The following ANK2 variants were observed in gnomAD, a reference collection of about 807,000 sequenced individuals.
ANK2 encodes ankyrin 2.
A neutral mutation model predicts 360.5 loss-of-function variants in ANK2; 83 were observed. The ratio of observed to expected loss-of-function variants is 0.23; its 90% CI spans 0.19 to 0.28. ANK2 has a LOEUF of 0.28. Among genes scored for constraint, ANK2 ranks in the 10% least tolerant of loss-of-function variants. ANK2 has a pLI of 1.00. For synonymous variants in ANK2, 1,740 were observed against 1,759.5 expected, an observed-to-expected ratio of 0.99 and a Z score of 0.28; for missense variants, 4,201 against 4,795.7, an observed-to-expected ratio of 0.88 and a Z score of 3.66.
Position 113,306,320 on chromosome 4 carries a change from A to G in ANK2, c.2548+3481A>G, listed in dbSNP as rs140343475. On this transcript the variant is annotated intron_variant, in intron 23 of 45. Coordinates refer to ENST00000357077, the MANE Select transcript of ANK2 (RefSeq NM_001148.6). The stretch of plus-strand genomic sequence containing the variant: ...GGCACATAGATTTTAGGGATTAGAT[A>G]AGGAACAGTATGGGAAAGTCTTGAG... Among the ~76,000 whole-genome samples the G allele has an allele frequency of 5.6e-3, 855 of 152,310 alleles. 5 individuals carry two copies. Among genetic ancestry groups the G allele is most frequent in the Non-Finnish European group, 0.01 (712 of 68,014 alleles).
chr4:112,943,184 G>A (rs775863488), intron 2 of ANK2, among the ~76,000 whole-genome samples: 12 of 152,086 alleles, frequency 7.9e-5, no homozygotes, highest in Non-Finnish European at 1.8e-4. Context: ...TAAGCAATGA[G>A]ATGGGGCTTC....
intron 1 of ANK2, among the ~76,000 whole-genome samples, chr4:112,870,365 A>G (rs2072497065): frequency 6.6e-6 from 1 of 152,186 alleles, no homozygotes; most frequent in Admixed American, 6.5e-5. Flanking sequence ...GTCATATCTA[A>G]GAAACCCTTG....
At chr4:112,879,044 A>G (rs2076000574) in intron 1 of ANK2, among the ~76,000 whole-genome samples, 1 of 152,234 alleles carries the variant, frequency 6.6e-6, no homozygotes, top group African/African-American at 2.4e-5. Context: ...TTTGAAATTG[A>G]ACTTCAAAGT....
rs139579598 is a variant in ANK2 at position 113,013,377 on chromosome 4, T to C, written c.21+108863T>C. 4.3e-3 allele frequency among the ~76,000 whole-genome samples: 659 copies of C among 152,294 alleles called. 3 individuals are homozygous for C. Among genetic ancestry groups the C allele is most frequent in the Admixed American group, 0.014 (210 of 15,296 alleles). ...GGAAAAGTATCATTTCATATTTCTG[T>C]CACAGAGCAGAAACTTGAGGACTCC... On this transcript the variant is annotated intron_variant, in intron 2 of 30. Transcript: ENST00000503271.
At chr4:112,737,976 A>G in the ANK2 span, among the ~76,000 whole-genome samples, 10 of 152,220 alleles carry the variant, frequency 6.6e-5, no homozygotes, top group Admixed American at 2.6e-4. Context: ...TCGATAGAAC[A>G]AACTACCATA....
chr4:112,706,007 G>A, the ANK2 span, among the ~76,000 whole-genome samples: 1 of 151,374 alleles, frequency 6.6e-6, no homozygotes, highest in Non-Finnish European at 1.5e-5. Context: ...CTGCGGCGCA[G>A]GAGCCGGGGC....
intron 23 of ANK2, among the ~76,000 whole-genome samples, chr4:113,310,481 A>G (rs2079353299): frequency 6.6e-6 from 1 of 152,008 alleles, no homozygotes; most frequent in Admixed American, 6.5e-5. Flanking sequence ...CAGTGGTGCA[A>G]TCTCGGCTCA....
intron 2 of ANK2, among the ~76,000 whole-genome samples, chr4:113,186,279 G>A (rs1319532761): frequency 7.9e-5 from 12 of 152,164 alleles, no homozygotes. Flanking sequence ...TAGACCTCCA[G>A]CAAATTCCAG....
At chr4:113,278,410 G>T (rs1236922635) in intron 16 of ANK2, 50 bp from the exon 17 acceptor site, 1 of 1,519,824 alleles carries the variant, frequency 6.6e-7, no homozygotes, top group Non-Finnish European at 9.1e-7. Context: ...TAGCTTCAGG[G>T]CAGCTAACCC....
chr4:113,058,178 G>A (rs992637286), intron 1 of ANK2, among the ~76,000 whole-genome samples: 2 of 152,074 alleles, frequency 1.3e-5, no homozygotes, highest in African/African-American at 2.4e-5. Flanking sequence ...TATAGCCAGT[G>A]CCACTTCAAA....
intron 27 of ANK2, 98 bp from the exon 28 acceptor site, chr4:113,331,863 AAACCAAAGTTC>A: frequency 9.6e-7 from 1 of 1,042,994 alleles, no homozygotes; most frequent in Non-Finnish European, 1.5e-6. Context: ...ACGCAGTGTG[AAACCAAAGTTC>A]ACCCTGTGGA....
chr4:113,226,462 A>C (rs551008846), intron 4 of ANK2, among the ~76,000 whole-genome samples: 1 of 150,918 alleles, frequency 6.6e-6, no homozygotes, highest in South Asian at 2.1e-4. Flanking sequence ...TCCAGCTGTT[A>C]CTCCCAGTAA....
chr4:113,244,209 G>A (rs1175570174), intron 9 of ANK2, among the ~76,000 whole-genome samples: 13 of 151,528 alleles, frequency 8.6e-5, no homozygotes, highest in Admixed American at 5.3e-4. Flanking sequence ...TGTATACATT[G>A]TATAAACATT....
intron 1 of ANK2, among the ~76,000 whole-genome samples, chr4:113,140,225 C>T (rs35256803): frequency 0.13 from 19,368 of 152,148 alleles, 1,673 homozygotes; most frequent in Non-Finnish European, 0.19. Flanking sequence ...GAGAACTTGT[C>T]CTTGGATTCA....
intron 1 of ANK2, among the ~76,000 whole-genome samples, chr4:113,099,245 A>G (rs1233291352): frequency 8.5e-6 from 1 of 118,006 alleles, no homozygotes; most frequent in African/African-American, 3.6e-5. Context: ...TTGTCTATGT[A>G]GAAAATCCCA....
chr4:112,827,128 C>T, intron 1 of ANK2: 1 of 1,079,682 alleles, frequency 9.3e-7, no homozygotes, highest in Non-Finnish European at 1.4e-6. Context: ...TGCAATTGCT[C>T]AGCATTGAAT....
At chr4:113,177,397 A>G (rs938398659) in intron 2 of ANK2, among the ~76,000 whole-genome samples, 1 of 152,166 alleles carries the variant, frequency 6.6e-6, no homozygotes, top group African/African-American at 2.4e-5. Context: ...GGTTTCTTTA[A>G]GTAGATTAAA....
chr4:112,832,375 T>A (rs993986403), intron 1 of ANK2, among the ~76,000 whole-genome samples: 1 of 152,204 alleles, frequency 6.6e-6, no homozygotes, highest in Non-Finnish European at 1.5e-5. Flanking sequence ...TTTACTTATA[T>A]ACCAAACCTG....
chr4:112,844,274 C>A (rs940291543), intron 1 of ANK2, among the ~76,000 whole-genome samples: 2 of 152,216 alleles, frequency 1.3e-5, no homozygotes, highest in Non-Finnish European at 2.9e-5. Context: ...GATTGGACTA[C>A]CCTTAGCATA....
Sources: gnomAD v4.1 joint callset for allele counts (sites outside exome capture counted in the v4.1 genomes callset) on GRCh38, gnomAD v4.1.1 for gene constraint, MANE v1.5 for transcripts, NCBI Gene and HGNC (gene_info 2026-07-23, HGNC 2026-07-21) for gene names.